Variants in ULK4 observed in about 807,000 individuals in gnomAD.
ULK4 encodes the protein inactive serine/threonine-protein kinase ULK4.
In ULK4, 133 loss-of-function variants were observed where a neutral mutation model predicts 160.6. That is an observed-to-expected ratio of 0.83 (90% confidence interval 0.72 to 0.96). The LOEUF (loss-of-function observed/expected upper bound fraction) is 0.96. ULK4 is among the 40% of genes least tolerant of loss of function. ULK4 has a pLI of 0.00. For synonymous variants in ULK4, 534 were observed against 539.8 expected (o/e 0.99, Z 0.15); for missense variants, 1,580 against 1,499.5 (o/e 1.05, Z -0.89).
chr3:41,373,566 T>C (rs1236075822), intron 35 of ULK4, among the ~76,000 whole-genome samples: 3 of 152,066 alleles, frequency 2.0e-5, no homozygotes, highest in Non-Finnish European at 4.4e-5. Context: ...AAGGCAGAAA[T>C]AAAGAAGTTC....
intron 35 of ULK4, among the ~76,000 whole-genome samples, chr3:41,391,425 C>A (rs1219223589): frequency 6.6e-6 from 1 of 151,974 alleles, no homozygotes; most frequent in Non-Finnish European, 1.5e-5. Flanking sequence ...TTTAAGAATA[C>A]AAGTCAAGAA....
At chr3:41,770,239 G>A (rs1227561136) in intron 21 of ULK4, among the ~76,000 whole-genome samples, 1 of 152,090 alleles carries the variant, frequency 6.6e-6, no homozygotes, top group Non-Finnish European at 1.5e-5. Context: ...ATTTCATAGT[G>A]ATCTTCCACG....
chr3:41,735,346 T>G (rs1447605713), intron 22 of ULK4, among the ~76,000 whole-genome samples: 1 of 152,092 alleles, frequency 6.6e-6, no homozygotes, highest in Non-Finnish European at 1.5e-5. Context: ...AAGTCAGTTA[T>G]ATAGGTTTTA....
chr3:41,411,368 A>G (rs2082405188), intron 34 of ULK4, among the ~76,000 whole-genome samples: 1 of 151,824 alleles, frequency 6.6e-6, no homozygotes, highest in Admixed American at 6.6e-5. Context: ...CTTTATCTGC[A>G]TGTTAAAACT....
At chr3:41,634,988 G>A (rs1268340195) in intron 30 of ULK4, among the ~76,000 whole-genome samples, 2 of 152,166 alleles carry the variant, frequency 1.3e-5, no homozygotes, top group African/African-American at 2.4e-5. Flanking sequence ...ATAAAACCTG[G>A]TGGTGTCAAT....
At chr3:41,605,937 A>C (rs2032361247) in intron 31 of ULK4, among the ~76,000 whole-genome samples, 1 of 152,072 alleles carries the variant, frequency 6.6e-6, no homozygotes, top group Admixed American at 6.6e-5. Context: ...AAAATCAATA[A>C]AAAATATATC....
chr3:41,870,909 T>C (rs1272421360), intron 17 of ULK4, among the ~76,000 whole-genome samples: 1 of 152,126 alleles, frequency 6.6e-6, no homozygotes, highest in East Asian at 1.9e-4. Context: ...TGGGACCAGG[T>C]GGAGGTAACT....
intron 18 of ULK4, among the ~76,000 whole-genome samples, chr3:41,829,864 T>C (rs111634789): frequency 0.27 from 37,173 of 137,044 alleles, 8,486 homozygotes; most frequent in African/African-American, 0.63. Flanking sequence ...TATTGCGGCA[T>C]TATTCACAAT....
chr3:41,746,292 A>AAAAAAAAAAAAAAAAAAAAAAAAT, intron 22 of ULK4, among the ~76,000 whole-genome samples: 1 of 144,626 alleles, frequency 6.9e-6, no homozygotes, highest in African/African-American at 2.6e-5. Flanking sequence ...AAAAAAAAAA[A>AAAAAAAAAAAAAAAAAAAAAAAAT]AAAACCACCT....
chr3:41,677,427 G>A (rs917610662), intron 29 of ULK4, among the ~76,000 whole-genome samples: 23 of 151,566 alleles, frequency 1.5e-4, no homozygotes, highest in Admixed American at 2.0e-4. Context: ...CACCTCCCGG[G>A]TTCATGCCAT....
chr3:41,958,700 G>A (rs1305968164), intron 1 of ULK4, among the ~76,000 whole-genome samples: 2 of 149,548 alleles, frequency 1.3e-5, no homozygotes, highest in African/African-American at 5.0e-5. Flanking sequence ...TGGGTGACAA[G>A]AGTGAAACTG....
At chr3:41,414,188 C>T (rs953882787) in intron 34 of ULK4, among the ~76,000 whole-genome samples, 5 of 152,230 alleles carry the variant, frequency 3.3e-5, no homozygotes, top group East Asian at 1.9e-4. Flanking sequence ...GCAACAAGAG[C>T]GAAATTCCAT....
intron 17 of ULK4, among the ~76,000 whole-genome samples, chr3:41,876,240 T>C (rs528774693): frequency 1.3e-5 from 2 of 152,288 alleles, no homozygotes; most frequent in Admixed American, 1.3e-4. Context: ...TTGTTTCTTA[T>C]AATGATGCAA....
intron 32 of ULK4, among the ~76,000 whole-genome samples, chr3:41,486,512 G>T (rs994557768): frequency 6.6e-6 from 1 of 152,186 alleles, no homozygotes; most frequent in Admixed American, 6.5e-5. Flanking sequence ...GTTTTATCAC[G>T]AAAAGACTGA....
At chr3:41,685,336 C>T (rs1430803612) in intron 27 of ULK4, among the ~76,000 whole-genome samples, 3 of 152,150 alleles carry the variant, frequency 2.0e-5, no homozygotes, top group Non-Finnish European at 4.4e-5. Context: ...GACAGAGTAG[C>T]AATGGGGCTT....
chr3:41,807,827 C>T (rs2040696037), intron 19 of ULK4, among the ~76,000 whole-genome samples: 1 of 152,140 alleles, frequency 6.6e-6, no homozygotes, highest in Non-Finnish European at 1.5e-5. Flanking sequence ...TTCAATGCAG[C>T]CAGAATAAAT....
chr3:41,481,481 T>A (rs1559635460), intron 32 of ULK4, among the ~76,000 whole-genome samples: 1 of 152,146 alleles, frequency 6.6e-6, no homozygotes, highest in Non-Finnish European at 1.5e-5. Context: ...TAATAACATT[T>A]ACTAAACAGA....
intron 35 of ULK4, among the ~76,000 whole-genome samples, chr3:41,261,155 G>C (rs1355309772): frequency 6.6e-6 from 1 of 152,006 alleles, no homozygotes; most frequent in Non-Finnish European, 1.5e-5. Flanking sequence ...AGAAACTGTT[G>C]GATTCACTTT....
chr3:41,768,702 C>T (rs1332530019), intron 21 of ULK4, among the ~76,000 whole-genome samples: 1 of 152,156 alleles, frequency 6.6e-6, no homozygotes, highest in Non-Finnish European at 1.5e-5. Flanking sequence ...AGCAAAATAA[C>T]CTATTGTCCT....
Sources: allele counts gnomAD v4.1 joint callset (sites outside exome capture counted in the v4.1 genomes callset), GRCh38; gene constraint gnomAD v4.1.1; transcripts MANE v1.5; gene names NCBI Gene and HGNC (gene_info 2026-07-23, HGNC 2026-07-21).